The following ARL15 variants were observed in gnomAD, a reference collection of about 807,000 sequenced individuals.
ARL15 encodes the protein ARF like GTPase 15, also known as ADP-ribosylation factor-like protein 15.
A neutral mutation model predicts 25.2 loss-of-function variants in ARL15; 19 were observed. That is an observed-to-expected ratio of 0.75 (90% CI 0.53 to 1.10). The LOEUF (loss-of-function observed/expected upper bound fraction) is 1.10. ARL15 is among the 50% of genes least tolerant of loss of function. The probability of loss-of-function intolerance (pLI) is 0.00; values close to 1 mark genes in which losing one functional copy is unlikely to be tolerated. For missense variants in ARL15, 220 were observed against 246.0 expected (o/e 0.89, Z 0.71); for synonymous variants, 94 against 86.8 (o/e 1.08, Z -0.46).
chr5:53,990,853 T>C (rs924262485), intron 4 of ARL15, among the ~76,000 whole-genome samples: 2 of 152,220 alleles, frequency 1.3e-5, no homozygotes, highest in Non-Finnish European at 2.9e-5. Flanking sequence ...GCTGCACTGA[T>C]TTTTTGAATT....
intron 4 of ARL15, among the ~76,000 whole-genome samples, chr5:54,103,088 G>A (rs1034921927): frequency 6.6e-6 from 1 of 152,054 alleles, no homozygotes; most frequent in Non-Finnish European, 1.5e-5. Flanking sequence ...AACATATTAA[G>A]ATATAAGCCT....
At chr5:54,131,902 CAA>C (rs1389160017) in intron 3 of ARL15, among the ~76,000 whole-genome samples, 2 of 109,068 alleles carry the variant, frequency 1.8e-5, no homozygotes, top group Non-Finnish European at 2.0e-5. Context: ...GACTCCGTCT[CAA>C]AAAAAAAAAA....
chr5:53,917,233 G>T (rs991354686), intron 4 of ARL15, among the ~76,000 whole-genome samples: 1 of 152,168 alleles, frequency 6.6e-6, no homozygotes, highest in African/African-American at 2.4e-5. Flanking sequence ...GTGTGTCTCT[G>T]ATATCACTTC....
chr5:53,917,764 C>A (rs76319586), intron 4 of ARL15, among the ~76,000 whole-genome samples: 12,455 of 152,206 alleles, frequency 0.082, 605 homozygotes, highest in Middle Eastern at 0.11. Flanking sequence ...CTCTGGAAGG[C>A]TTTAACATTG....
chr5:54,096,898 G>A (rs1752305453), intron 4 of ARL15, among the ~76,000 whole-genome samples: 1 of 152,058 alleles, frequency 6.6e-6, no homozygotes, highest in Non-Finnish European at 1.5e-5. Flanking sequence ...ATTTAATGTT[G>A]AACAAAATTC....
At chr5:54,191,123 G>C (rs1265792099) in intron 1 of ARL15, among the ~76,000 whole-genome samples, 1 of 152,132 alleles carries the variant, frequency 6.6e-6, no homozygotes, top group Admixed American at 6.5e-5. Flanking sequence ...TTACTATTTA[G>C]CTATAAAAAG....
At chr5:54,102,019 G>GT (rs11437215) in intron 4 of ARL15, among the ~76,000 whole-genome samples, 106,162 of 146,488 alleles carry the variant, frequency 0.72, 38,774 homozygotes, top group East Asian at 0.97. Flanking sequence ...TTTTTGTTTT[G>GT]TTTTTTTTTT....
At chr5:54,244,607 G>C (rs1365562276) in intron 1 of ARL15, among the ~76,000 whole-genome samples, 1 of 152,136 alleles carries the variant, frequency 6.6e-6, no homozygotes, top group Non-Finnish European at 1.5e-5. Flanking sequence ...ATAACTTCCT[G>C]TTATAAATAT....
intron 1 of ARL15, among the ~76,000 whole-genome samples, chr5:54,289,693 G>A (rs250389): frequency 0.27 from 40,699 of 151,930 alleles, 6,703 homozygotes; most frequent in African/African-American, 0.47. Context: ...TAGGAGCTTG[G>A]GCAAGTTGCT....
intron 1 of ARL15, among the ~76,000 whole-genome samples, chr5:54,191,703 C>A (rs1344955637): frequency 6.6e-6 from 1 of 152,066 alleles, no homozygotes; most frequent in African/African-American, 2.4e-5. Flanking sequence ...TATACAGACT[C>A]CAACTACTTC....
In ARL15 at chr5:54,179,167, G is replaced by A. The variant is rs115011591; in HGVS notation, c.49-7239C>T. 6.6e-3 allele frequency among the ~76,000 whole-genome samples: 1,010 copies of A among 152,214 alleles called. 11 individuals carry two copies. The highest frequency in any genetic ancestry group is 0.023 in the African/African-American group (974 of 41,522). On this transcript the variant is annotated intron_variant, in intron 1 of 4. Coordinates refer to ENST00000504924, the MANE Select transcript of ARL15 (RefSeq NM_019087.3). Reference sequence around the variant, plus strand: ...TGATAAGCCTCTAATTTCTGAGGGCGTGTCATTCAAAGGAAACTTTAGATC... The same window carrying A: ...TGATAAGCCTCTAATTTCTGAGGGCATGTCATTCAAAGGAAACTTTAGATC...
intron 1 of ARL15, among the ~76,000 whole-genome samples, chr5:54,215,976 T>C (rs1049388120): frequency 2.0e-5 from 3 of 152,192 alleles, no homozygotes; most frequent in Non-Finnish European, 2.9e-5. Context: ...GGCCTCCTAT[T>C]GAACTCCTTT....
At chr5:54,004,760 C>T (rs1035441072) in intron 4 of ARL15, among the ~76,000 whole-genome samples, 3 of 150,962 alleles carry the variant, frequency 2.0e-5, no homozygotes, top group South Asian at 2.1e-4. Context: ...CGAGCATCTG[C>T]GATTACATGT....
intron 3 of ARL15, among the ~76,000 whole-genome samples, chr5:54,113,750 A>T (rs1475543750): frequency 6.6e-6 from 1 of 152,190 alleles, no homozygotes; most frequent in East Asian, 1.9e-4. Context: ...ATCTCAAATG[A>T]ACTACACACT....
At chr5:54,242,641 A>T (rs891638323) in intron 1 of ARL15, among the ~76,000 whole-genome samples, 1 of 152,226 alleles carries the variant, frequency 6.6e-6, no homozygotes. Flanking sequence ...CCCGGCAGCC[A>T]TCTTGCCACC....
chr5:53,962,309 C>T (rs1237696895), intron 4 of ARL15, among the ~76,000 whole-genome samples: 1 of 152,088 alleles, frequency 6.6e-6, no homozygotes, highest in Non-Finnish European at 1.5e-5. Context: ...TACTCCATCT[C>T]TGGGGCTACC....
At position 53,967,904 on chromosome 5, in the gene ARL15, T is replaced by C. The variant is rs373412566; in HGVS notation, c.463-81191A>G. Among the ~76,000 whole-genome samples the C allele has an allele frequency of 3.0e-4, 46 of 151,732 alleles. 3 individuals are homozygous for C. The South Asian group carries it at 9.4e-3, about 31-fold the overall frequency. On this transcript the variant is annotated intron_variant, in intron 4 of 4. Transcript: ENST00000504924. ...GCTATGAAGGAGGGAAATAGAGAAG[T>C]GAGGACCAAATGTAGTACCAAAGAA...
intron 4 of ARL15, among the ~76,000 whole-genome samples, chr5:54,010,046 G>A (rs1036923936): frequency 6.6e-6 from 1 of 152,108 alleles, no homozygotes; most frequent in Non-Finnish European, 1.5e-5. Flanking sequence ...CACAAAGAAA[G>A]GGAGAATGAT....
intron 4 of ARL15, among the ~76,000 whole-genome samples, chr5:54,105,786 T>G (rs1752571803): frequency 6.6e-6 from 1 of 152,116 alleles, no homozygotes; most frequent in East Asian, 1.9e-4. Context: ...TTTCACTATG[T>G]TGGTCACGCT....
Sources: allele counts gnomAD v4.1 joint callset (sites outside exome capture counted in the v4.1 genomes callset), GRCh38; gene constraint gnomAD v4.1.1; transcripts MANE v1.5; gene names NCBI Gene and HGNC (gene_info 2026-07-23, HGNC 2026-07-21).